The following TSHZ2 variants were observed in gnomAD, a reference collection of about 807,000 sequenced individuals.
TSHZ2 encodes the protein teashirt zinc finger homeobox 2.
A neutral mutation model predicts 74.4 loss-of-function variants in TSHZ2; 21 were observed. That is an observed-to-expected ratio of 0.28 (90% CI 0.20 to 0.41). The LOEUF is 0.41. Ranked by LOEUF, TSHZ2 falls within the 10% of genes least tolerant of loss-of-function variation. TSHZ2 has a pLI of 1.00. For synonymous variants in TSHZ2, 540 were observed against 515.3 expected (o/e 1.05, Z -0.65); for missense variants, 1,244 against 1,293.5 (o/e 0.96, Z 0.59).
rs759779788 is a variant in TSHZ2 at position 53,254,793 on chromosome 20, A to G, written c.1335A>G (p.Pro445=). 1.9e-6 allele frequency: 3 copies of G among 1,613,532 alleles called. No homozygotes were observed. The highest frequency in any genetic ancestry group is 1.3e-5 in the African/African-American group (1 of 75,030). Residue 445 remains proline (P), a synonymous_variant, in exon 2 of 3, where the codon CCA becomes CCG. Transcript: ENST00000371497. ...APNSDSLAPK[P]SSNSASDCTA... ...ACAGTGATTCTCTGGCTCCCAAGCC[A>G]TCCAGTAACTCAGCATCAGATTGTA...
At chr20:53,382,328 G>T (rs1466242380) in intron 2 of TSHZ2, among the ~76,000 whole-genome samples, 1 of 152,210 alleles carries the variant, frequency 6.6e-6, no homozygotes, top group Non-Finnish European at 1.5e-5. Flanking sequence ...AATCTGTTGT[G>T]ATTTGGCCAT....
chr20:53,122,269 C>A, intron 1 of TSHZ2, among the ~76,000 whole-genome samples: 1 of 142,446 alleles, frequency 7.0e-6, no homozygotes, highest in Admixed American at 7.4e-5. Context: ...GCCTGGGTGA[C>A]AGAGTGAGAC....
intron 2 of TSHZ2, among the ~76,000 whole-genome samples, chr20:53,352,786 A>C (rs1480336609): frequency 7.3e-6 from 1 of 136,460 alleles, no homozygotes; most frequent in Non-Finnish European, 1.6e-5. Context: ...ACAAAAAAAA[A>C]AAAAAAAAGA....
At chr20:53,303,207 C>T (rs1385939739) in intron 2 of TSHZ2, among the ~76,000 whole-genome samples, 1 of 152,162 alleles carries the variant, frequency 6.6e-6, no homozygotes, top group African/African-American at 2.4e-5. Context: ...TTTAGACACC[C>T]CCCAAGACAG....
intron 1 of TSHZ2, among the ~76,000 whole-genome samples, chr20:52,982,174 C>T (rs1981590447): frequency 6.6e-6 from 1 of 152,160 alleles, no homozygotes; most frequent in African/African-American, 2.4e-5. Flanking sequence ...CAAGTATAAT[C>T]CCTGTTTTAC....
chr20:53,241,390 T>C (rs886148278), intron 1 of TSHZ2, among the ~76,000 whole-genome samples: 4 of 152,132 alleles, frequency 2.6e-5, no homozygotes, highest in African/African-American at 9.7e-5. Flanking sequence ...CTGAAATAGG[T>C]CAGGATTTAT....
chr20:53,463,445 G>GGGAAGGAA (rs1244651220), intron 2 of TSHZ2, among the ~76,000 whole-genome samples: 43 of 113,286 alleles, frequency 3.8e-4, no homozygotes, highest in Middle Eastern at 4.7e-3. Flanking sequence ...GAGGGAGGGA[G>GGGAAGGAA]GGAAGGAAGG....
At chr20:53,366,272 C>G (rs1452325978) in intron 2 of TSHZ2, among the ~76,000 whole-genome samples, 1 of 152,196 alleles carries the variant, frequency 6.6e-6, no homozygotes, top group Non-Finnish European at 1.5e-5. Context: ...CCAAGCTATT[C>G]AGTCCCACTG....
At chr20:53,276,055 C>T (rs1990939692) in intron 2 of TSHZ2, among the ~76,000 whole-genome samples, 6 of 152,198 alleles carry the variant, frequency 3.9e-5, no homozygotes, top group Admixed American at 3.9e-4. Context: ...CCGTCTCATC[C>T]AAGGAGAGAG....
At chr20:53,296,366 G>T (rs1421496465) in intron 2 of TSHZ2, among the ~76,000 whole-genome samples, 3 of 152,172 alleles carry the variant, frequency 2.0e-5, no homozygotes, top group African/African-American at 7.2e-5. Flanking sequence ...TTAAAAGATT[G>T]CAATCTATCC....
chr20:53,471,070 AT>A (rs1985783443), intron 2 of TSHZ2, among the ~76,000 whole-genome samples: 1 of 152,216 alleles, frequency 6.6e-6, no homozygotes, highest in African/African-American at 2.4e-5. Flanking sequence ...GACAGACAAA[AT>A]TATTCTTTGA....
At chr20:53,377,883 G>T (rs182308913) in intron 2 of TSHZ2, among the ~76,000 whole-genome samples, 1 of 151,660 alleles carries the variant, frequency 6.6e-6, no homozygotes, top group Non-Finnish European at 1.5e-5. Context: ...AAGGCTACTG[G>T]CCAAGTCCCG....
intron 1 of TSHZ2, among the ~76,000 whole-genome samples, chr20:53,216,559 G>A (rs1989438998): frequency 6.6e-6 from 1 of 152,194 alleles, no homozygotes; most frequent in Admixed American, 6.5e-5. Context: ...CCCTTCACCA[G>A]CCAGGAACAT....
intron 1 of TSHZ2, among the ~76,000 whole-genome samples, chr20:53,151,399 A>T (rs529621737): frequency 6.6e-6 from 1 of 152,304 alleles, no homozygotes; most frequent in Admixed American, 6.5e-5. Context: ...TAGTGTCTAT[A>T]TTTATACAAA....
chr20:53,387,865 G>A (rs561828868), intron 2 of TSHZ2, among the ~76,000 whole-genome samples: 20 of 152,118 alleles, frequency 1.3e-4, no homozygotes, highest in African/African-American at 4.3e-4. Context: ...TGGGCAACAT[G>A]GTGAAACCCT....
At chr20:53,110,723 G>A (rs1455024563) in intron 1 of TSHZ2, among the ~76,000 whole-genome samples, 3 of 148,794 alleles carry the variant, frequency 2.0e-5, no homozygotes, top group African/African-American at 7.3e-5. Flanking sequence ...AAGTTGGGAG[G>A]CAGATAACAT....
intron 1 of TSHZ2, among the ~76,000 whole-genome samples, chr20:53,203,996 C>T (rs1254462774): frequency 6.6e-6 from 1 of 150,788 alleles, no homozygotes; most frequent in East Asian, 1.9e-4. Flanking sequence ...AACCGTAGTG[C>T]ACAATATCTC....
chr20:53,484,226 C>T (rs980470108), intron 2 of TSHZ2, among the ~76,000 whole-genome samples: 1 of 152,134 alleles, frequency 6.6e-6, no homozygotes, highest in Admixed American at 6.6e-5. Flanking sequence ...ATGGTTCTCT[C>T]CACTGATGGT....
intron 2 of TSHZ2, among the ~76,000 whole-genome samples, chr20:53,375,162 A>G (rs1423803935): frequency 6.6e-6 from 1 of 152,178 alleles, no homozygotes; most frequent in African/African-American, 2.4e-5. Context: ...ACACTGGTCA[A>G]TTTTTTAAAT....
Sources: allele counts gnomAD v4.1 joint callset (sites outside exome capture counted in the v4.1 genomes callset), GRCh38; gene constraint gnomAD v4.1.1; transcripts MANE v1.5; gene names NCBI Gene and HGNC (gene_info 2026-07-23, HGNC 2026-07-21).